DSCAML1: variants seen among roughly 807,000 people sequenced by gnomAD.
DSCAML1 encodes DS cell adhesion molecule like 1, also known as cell adhesion molecule DSCAML1.
A neutral mutation model predicts 200.5 loss-of-function variants in DSCAML1; 38 were observed. That is an observed-to-expected ratio of 0.19 (90% confidence interval 0.15 to 0.25). The LOEUF is 0.25. Among genes scored for constraint, DSCAML1 ranks in the 10% least tolerant of loss-of-function variants. DSCAML1 has a pLI of 1.00. For synonymous variants in DSCAML1, 1,215 were observed against 1,165.0 expected (o/e 1.04, Z -0.87); for missense variants, 2,223 against 2,858.8 (o/e 0.78, Z 5.07).
chr11:117,481,278 A>C lies in DSCAML1; in HGVS notation c.2560-8T>G. The C allele has an allele frequency of 6.2e-7, 1 of 1,613,208 alleles. No homozygotes were observed. Among genetic ancestry groups the C allele is most frequent in the Non-Finnish European group, 8.5e-7 (1 of 1,179,716 alleles). The stretch of plus-strand genomic sequence containing the variant: ...ACGGTCAGCGGGCTTGAGCTGGGAG[A>C]CCACCAGCAGGGGCAGGAGAGGGAG... On this transcript the variant is annotated splice_polypyrimidine_tract_variant and splice_region_variant and intron_variant, in intron 12 of 32. Coordinates refer to ENST00000651296, the MANE Select transcript of DSCAML1 (RefSeq NM_020693.4).
chr11:117,606,883 G>A (rs2051578029), intron 3 of DSCAML1, among the ~76,000 whole-genome samples: 1 of 152,242 alleles, frequency 6.6e-6, no homozygotes, highest in East Asian at 1.9e-4. Flanking sequence ...GCCACAGAAG[G>A]AGGGTGACAT....
chr11:117,438,266 A>C (rs547631713), intron 24 of DSCAML1, among the ~76,000 whole-genome samples, 183 bp from the exon 25 acceptor site: 7 of 151,798 alleles, frequency 4.6e-5, no homozygotes, highest in Admixed American at 2.0e-4. Context: ...TCAACTCTCT[A>C]TGTTAAACCA....
chr11:117,756,202 G>A (rs979186431), intron 3 of DSCAML1, among the ~76,000 whole-genome samples: 2 of 152,224 alleles, frequency 1.3e-5, no homozygotes, highest in Non-Finnish European at 2.9e-5. Flanking sequence ...CTGGGGACAG[G>A]AAGGAAGGTC....
At chr11:117,526,441 C>G (rs2049980173) in intron 4 of DSCAML1, among the ~76,000 whole-genome samples, 1 of 152,204 alleles carries the variant, frequency 6.6e-6, no homozygotes, top group Non-Finnish European at 1.5e-5. Flanking sequence ...TGGATGCCTT[C>G]TCCAGGCCAC....
chr11:117,511,504 A>C (rs1226981537), intron 8 of DSCAML1, among the ~76,000 whole-genome samples: 1 of 152,172 alleles, frequency 6.6e-6, no homozygotes, highest in Admixed American at 6.5e-5. Flanking sequence ...AAGTCACCAA[A>C]TCTAGGTTTG....
chr11:117,493,225 T>G (rs1371558744), intron 11 of DSCAML1, among the ~76,000 whole-genome samples: 2 of 152,200 alleles, frequency 1.3e-5, no homozygotes, highest in Admixed American at 6.5e-5. Context: ...CAGTCACCTC[T>G]TCTCTTGGCT....
At chr11:117,646,012 G>A (rs1054411117) in intron 3 of DSCAML1, among the ~76,000 whole-genome samples, 14 of 152,058 alleles carry the variant, frequency 9.2e-5, no homozygotes, top group Non-Finnish European at 1.8e-4. Context: ...TTCAAATGTG[G>A]TATTAGCTGC....
chr11:117,509,073 C>T (rs570239165), intron 8 of DSCAML1, among the ~76,000 whole-genome samples: 90 of 152,226 alleles, frequency 5.9e-4, no homozygotes, highest in Non-Finnish European at 1.1e-3. Flanking sequence ...CAGCTACAGA[C>T]GGAGCCTCGG....
intron 3 of DSCAML1, among the ~76,000 whole-genome samples, chr11:117,729,080 T>G (rs765637474): frequency 6.6e-6 from 1 of 152,210 alleles, no homozygotes; most frequent in Non-Finnish European, 1.5e-5. Context: ...GACATTTAGA[T>G]TAATGGAATA....
Position 117,471,577 on chromosome 11 carries a change from C to A in DSCAML1, c.2953+292G>T, listed in dbSNP as rs117849183. On this transcript the variant is annotated intron_variant, in intron 15 of 32. Transcript: ENST00000651296. Reference sequence around the variant, plus strand: ...TATGATGAGGGTCATAGAAAATGATCCAGGCCCTAGTACCCTATCTTGCAG... The same window carrying A: ...TATGATGAGGGTCATAGAAAATGATACAGGCCCTAGTACCCTATCTTGCAG... Among the ~76,000 whole-genome samples, 337 of 152,286 alleles carry A rather than the reference C, an allele frequency of 2.2e-3. 3 individuals are homozygous for A. Among genetic ancestry groups the A allele is most frequent in the Middle Eastern group, 0.01 (3 of 294 alleles).
chr11:117,686,044 C>T (rs2053396574), intron 3 of DSCAML1, among the ~76,000 whole-genome samples: 1 of 152,112 alleles, frequency 6.6e-6, no homozygotes, highest in Non-Finnish European at 1.5e-5. Context: ...AATGTTGGGA[C>T]AAGGCTGCAG....
At chr11:117,514,572 C>CTTTTTT (rs532136039) in intron 8 of DSCAML1, among the ~76,000 whole-genome samples, 498 of 98,278 alleles carry the variant, frequency 5.1e-3, no homozygotes, top group Non-Finnish European at 7.2e-3. Flanking sequence ...TTTTCTTTTT[C>CTTTTTT]TTTTTTTTTT....
intron 3 of DSCAML1, among the ~76,000 whole-genome samples, chr11:117,692,723 C>T (rs2053518874): frequency 6.6e-6 from 1 of 152,186 alleles, no homozygotes. Flanking sequence ...GGCATCCAGG[C>T]CCTGCTCGCA....
intron 24 of DSCAML1, among the ~76,000 whole-genome samples, chr11:117,438,322 G>A (rs1009384182): frequency 4.0e-5 from 6 of 149,636 alleles, no homozygotes; most frequent in Admixed American, 4.0e-4. Flanking sequence ...AGCCCCCGGC[G>A]GGTCTGACGC....
At chr11:117,581,765 C>G (rs1351280207) in intron 3 of DSCAML1, among the ~76,000 whole-genome samples, 2 of 152,180 alleles carry the variant, frequency 1.3e-5, no homozygotes, top group Non-Finnish European at 2.9e-5. Flanking sequence ...TAAGGTCATG[C>G]AGCTGGTAAG....
At position 117,633,291 on chromosome 11, in the gene DSCAML1, G is replaced by A. The variant is rs188192366; in HGVS notation, c.512-100769C>T. On this transcript the variant is annotated intron_variant, in intron 3 of 32. Transcript: ENST00000651296. ...CTGAGAAGTCAGGCCTTCCTGCCTC[G>A]CCACACCTTGGCCAGCCTGGGTCTG... Among the ~76,000 whole-genome samples the A allele has an allele frequency of 2.4e-4, 37 of 152,252 alleles. No individual in the cohort carries two copies. In the East Asian group the frequency reaches 6.6e-3, roughly 27 times the overall value.
intron 2 of DSCAML1, among the ~76,000 whole-genome samples, chr11:117,778,738 G>A (rs1278763225): frequency 6.6e-6 from 1 of 152,232 alleles, no homozygotes; most frequent in Non-Finnish European, 1.5e-5. Context: ...GGAGGTGACA[G>A]GAAACATGGT....
Position 117,480,628 on chromosome 11 carries a change from C to T in DSCAML1, c.2657-57G>A. On this transcript the variant is annotated intron_variant, in intron 13 of 32. Coordinates refer to ENST00000651296, the MANE Select transcript of DSCAML1 (RefSeq NM_020693.4). This position sits in a 1 kb window ranked among gnomAD's most constrained non-coding sequence, Gnocchi z 4.1. ...AGGAGGGCAGCAGGGAGCTTGGCCT[C>T]CTGCTTGGCCCTGAGGATTGGCATC... The T allele has an allele frequency of 5.8e-6, 9 of 1,541,972 alleles. No individual in the cohort carries two copies. The highest frequency in any genetic ancestry group is 7.0e-6 in the Non-Finnish European group (8 of 1,142,680).
chr11:117,542,332 A>AACAAC (rs1424469788), intron 3 of DSCAML1, among the ~76,000 whole-genome samples: 4 of 132,188 alleles, frequency 3.0e-5, no homozygotes, highest in Non-Finnish European at 1.6e-5. Flanking sequence ...CAAAACACAA[A>AACAAC]AACAACAACA....
Sources: gnomAD v4.1 joint callset for allele counts (sites outside exome capture counted in the v4.1 genomes callset) on GRCh38, gnomAD v4.1.1 for gene constraint, Gnocchi (gnomAD v3.1) non-coding constraint, MANE v1.5 for transcripts, NCBI Gene and HGNC (gene_info 2026-07-23, HGNC 2026-07-21) for gene names.